ADGRL4: variants seen among roughly 807,000 people sequenced by gnomAD.
The protein encoded by ADGRL4 is EGF, latrophilin and seven transmembrane domain containing 1.
In ADGRL4, 90 loss-of-function variants were observed where a neutral mutation model predicts 74.8. That is an observed-to-expected ratio of 1.20 (90% CI 1.02 to 1.43). The LOEUF is 1.43. Ranked by LOEUF, ADGRL4 falls within the 40% of genes most tolerant of loss-of-function variation. ADGRL4 has a pLI of 0.00. For missense variants in ADGRL4, 881 were observed against 814.3 expected (o/e 1.08, Z -1.00); for synonymous variants, 311 against 279.2 (o/e 1.11, Z -1.14).
intron 2 of ADGRL4, among the ~76,000 whole-genome samples, chr1:78,983,432 C>A (rs890325864): frequency 2.1e-5 from 3 of 145,168 alleles, no homozygotes; most frequent in East Asian, 2.0e-4. Flanking sequence ...TTAAGAGAAC[C>A]AAGTAGAAGA....
Position 79,006,682 on chromosome 1 carries a change from C to G in ADGRL4, c.-28G>C. The G allele has an allele frequency of 6.8e-7, 1 of 1,477,850 alleles. No individual in the cohort carries two copies. The highest frequency in any genetic ancestry group is 1.4e-5 in the South Asian group (1 of 73,786). The allele number at this position is 1,477,850 out of a possible 1,614,324, so 91.5% of individuals were successfully genotyped here. ...GCGGTGGCCGCAGTGGTGGCGGTGG[C>G]GGAGAGCGCGGCGGAGTGAGTGCGG... On this transcript the variant is annotated 5_prime_UTR_variant, in exon 1 of 15. Coordinates refer to ENST00000370742, the MANE Select transcript of ADGRL4 (RefSeq NM_022159.4).
At chr1:78,925,564 G>GA (rs936814012) in intron 8 of ADGRL4, among the ~76,000 whole-genome samples, 1 of 151,900 alleles carries the variant, frequency 6.6e-6, no homozygotes, top group African/African-American at 2.4e-5. Flanking sequence ...TTTCTCAGGG[G>GA]AAAAAATGGG....
Position 78,942,173 on chromosome 1 carries a change from CAAAAAAAAAAAAAA to C in ADGRL4, c.326-2929_326-2916del, listed in dbSNP as rs398049382. On this transcript the variant is annotated intron_variant, in intron 3 of 14. Coordinates refer to ENST00000370742, the MANE Select transcript of ADGRL4 (RefSeq NM_022159.4). ...TGGGTGACAGAGCGAGACTCCGTCT[CAAAAAAAAAAAAAA>C]AAAAAAAAAAAAGACACCTTCTAAT... 2.7e-5 allele frequency among the ~76,000 whole-genome samples: 2 copies of C among 73,612 alleles called. 1 individual carries two copies. The highest frequency in any genetic ancestry group is 1.3e-3 in the South Asian group (2 of 1,506). The allele number at this position is 73,612 out of a possible 152,430, so 48.3% of individuals were successfully genotyped here. A position where few individuals can be genotyped will look rare whatever the true frequency, so the allele number is the denominator to read the frequency against.
At chr1:78,988,467 T>C (rs1650540442) in intron 2 of ADGRL4, among the ~76,000 whole-genome samples, 1 of 151,884 alleles carries the variant, frequency 6.6e-6, no homozygotes, top group African/African-American at 2.4e-5. Context: ...TGAGCAAATA[T>C]TAGATCATCT....
rs1291782906 is a variant in ADGRL4, at chr1:78,927,014, G to A, written c.955C>T (p.Pro319Ser). The A allele has an allele frequency of 3.1e-6, 5 of 1,610,972 alleles. No individual in the cohort carries two copies. The South Asian group carries it at 4.4e-5, about 14-fold the overall frequency. ...TCTTCAGAATTATCATAATTTTGAG[G>A]TTTCAATAAGAAGTTGTCAGATGAT... Reference protein sequence around the residue: ...LSSSDNFLLKPQNYDNSEEEE... With the variant: ...LSSSDNFLLKSQNYDNSEEEE... Residue 319 changes from proline to serine, a missense_variant, in exon 8 of 15, where the codon CCT becomes TCT. Transcript: ENST00000370742.
At chr1:78,932,744 C>T (rs1440994542) in intron 7 of ADGRL4, among the ~76,000 whole-genome samples, 1 of 151,062 alleles carries the variant, frequency 6.6e-6, no homozygotes, top group Admixed American at 6.6e-5. Flanking sequence ...AGGGGGATAT[C>T]ACCACTGACC....
At chr1:78,912,154 G>A (rs1648775460) in intron 12 of ADGRL4, among the ~76,000 whole-genome samples, 1 of 151,754 alleles carries the variant, frequency 6.6e-6, no homozygotes, top group South Asian at 2.1e-4. Context: ...GCAACACAGT[G>A]GCACTGATTA....
At chr1:78,891,294 T>C in intron 14 of ADGRL4, 78 bp from the exon 15 acceptor site, 1 of 1,432,122 alleles carries the variant, frequency 7.0e-7, no homozygotes. Flanking sequence ...TCACAATAAA[T>C]TGTTACATAT....
chr1:78,893,236 T>C (rs779946368), intron 12 of ADGRL4, 47 bp from the exon 13 acceptor site: 4 of 1,145,950 alleles, frequency 3.5e-6, no homozygotes, highest in African/African-American at 1.6e-5. Flanking sequence ...TCATCTTAAA[T>C]TGGATACATA....
intron 2 of ADGRL4, among the ~76,000 whole-genome samples, chr1:78,976,796 G>GA (rs376649900): frequency 7.9e-4 from 106 of 133,690 alleles, no homozygotes; most frequent in South Asian, 2.8e-3. Flanking sequence ...AGCCTTCCAA[G>GA]AAAAAAAAAA....
At chr1:78,913,469 G>C (rs906682659) in intron 12 of ADGRL4, among the ~76,000 whole-genome samples, 2 of 151,952 alleles carry the variant, frequency 1.3e-5, no homozygotes, top group Admixed American at 6.6e-5. Context: ...CATGTCCTTT[G>C]CAGGGTCGTG....
chr1:78,994,628 G>A (rs968632807), intron 2 of ADGRL4, among the ~76,000 whole-genome samples: 9 of 152,144 alleles, frequency 5.9e-5, no homozygotes, highest in Non-Finnish European at 1.3e-4. Context: ...TTACTTTAGA[G>A]AGCATGATTA....
chr1:78,955,970 TAAC>T (rs2100703523), intron 2 of ADGRL4, among the ~76,000 whole-genome samples: 1 of 152,284 alleles, frequency 6.6e-6, no homozygotes, highest in South Asian at 2.1e-4. Context: ...TACTATATAA[TAAC>T]GATTGACTCT....
intron 7 of ADGRL4, among the ~76,000 whole-genome samples, chr1:78,933,387 T>C (rs1368103793): frequency 6.6e-6 from 1 of 151,458 alleles, no homozygotes; most frequent in African/African-American, 2.5e-5. Context: ...CATCCCTTCA[T>C]GTTAAAAATT....
intron 6 of ADGRL4, 127 bp from the exon 7 acceptor site, chr1:78,936,538 G>T: frequency 1.2e-6 from 1 of 868,870 alleles, no homozygotes; most frequent in East Asian, 3.2e-5. Context: ...CAAGTAGAGT[G>T]AACATTCTTA....
intron 2 of ADGRL4, among the ~76,000 whole-genome samples, chr1:78,956,846 C>A (rs1649844624): frequency 6.6e-6 from 1 of 152,104 alleles, no homozygotes; most frequent in Admixed American, 6.6e-5. Flanking sequence ...CATACCTTGT[C>A]TTACTAAGCC....
At chr1:78,903,754 TG>T (rs1648566033) in intron 12 of ADGRL4, among the ~76,000 whole-genome samples, 1 of 151,674 alleles carries the variant, frequency 6.6e-6, no homozygotes, top group Non-Finnish European at 1.5e-5. Flanking sequence ...GCCAACATGG[TG>T]AAACTCCCTC....
chr1:78,945,216 A>G (rs929491216), intron 3 of ADGRL4, among the ~76,000 whole-genome samples: 13 of 149,630 alleles, frequency 8.7e-5, no homozygotes, highest in Non-Finnish European at 1.8e-4. Context: ...GGCACTAATC[A>G]AAGGCTTTAT....
intron 2 of ADGRL4, among the ~76,000 whole-genome samples, chr1:78,964,927 G>T (rs577981171): frequency 6.6e-6 from 1 of 151,892 alleles, no homozygotes; most frequent in Non-Finnish European, 1.5e-5. Context: ...TGTGTCTCTT[G>T]TTTTCTCACC....
Sources: allele counts gnomAD v4.1 joint callset (sites outside exome capture counted in the v4.1 genomes callset), GRCh38; gene constraint gnomAD v4.1.1; transcripts MANE v1.5; gene names NCBI Gene and HGNC (gene_info 2026-07-23, HGNC 2026-07-21).